RELN: variants seen among roughly 807,000 people sequenced by gnomAD.
RELN encodes the protein reelin.
RELN carries 108 observed loss-of-function variants against 427.6 expected under a neutral mutation model. The observed-to-expected ratio is 0.25, with a 90% CI of 0.22 to 0.30. The LOEUF (loss-of-function observed/expected upper bound fraction) is 0.30, where lower values mean the gene tolerates loss of function less well. Among genes scored for constraint, RELN ranks in the 10% least tolerant of loss-of-function variants. RELN has a pLI of 1.00. For missense variants in RELN, 3,715 were observed against 4,302.8 expected (o/e 0.86, Z 3.82); for synonymous variants, 1,524 against 1,513.4 (o/e 1.01, Z -0.16).
rs1368890009 is a variant in RELN, at chr7:103,551,255, T to C, written c.6114A>G (p.Pro2038=). ...AGTCCCTTGAAAATTCCAGTCTCACTGGATCCGCGGATGAGCTATCAGTCG... is the reference window on the plus strand; with the variant it reads ...AGTCCCTTGAAAATTCCAGTCTCACCGGATCCGCGGATGAGCTATCAGTCG... The part of the protein sequence containing the change: ...GCSTDSSSAD[P]VRLEFSRDFG... The change falls in exon 41 of 65, where the codon CCA becomes CCG. Residue 2038 remains proline (P), a synonymous_variant. Transcript: ENST00000428762. 6.2e-7 allele frequency: 1 copy of C among 1,614,008 alleles called. No individual in the cohort carries two copies. The highest frequency in any genetic ancestry group is 2.2e-5 in the East Asian group (1 of 44,876).
intron 2 of RELN, among the ~76,000 whole-genome samples, chr7:103,889,408 C>T (rs1794795812): frequency 6.6e-6 from 1 of 152,164 alleles, no homozygotes; most frequent in Admixed American, 6.5e-5. Context: ...CTACCAAGAA[C>T]TTAATGTGTA....
At chr7:103,544,384 G>A (rs542934454) in intron 42 of RELN, among the ~76,000 whole-genome samples, 3 of 151,628 alleles carry the variant, frequency 2.0e-5, no homozygotes, top group African/African-American at 7.3e-5. Flanking sequence ...GCCTGCCAGC[G>A]TGCCCGGCTT....
chr7:103,696,316 C>G (rs1397837169), intron 10 of RELN, among the ~76,000 whole-genome samples: 2 of 152,068 alleles, frequency 1.3e-5, no homozygotes, highest in East Asian at 3.9e-4. Flanking sequence ...ATATTCCATG[C>G]ACTCTCCGGG....
At chr7:103,820,553 T>G in intron 3 of RELN, among the ~76,000 whole-genome samples, 1 of 148,628 alleles carries the variant, frequency 6.7e-6, no homozygotes, top group South Asian at 2.1e-4. Flanking sequence ...CACTCATTCT[T>G]AAAAAAAAAA....
chr7:103,715,405 T>C (rs1319995057), intron 8 of RELN, among the ~76,000 whole-genome samples: 1 of 152,228 alleles, frequency 6.6e-6, no homozygotes, highest in East Asian at 1.9e-4. Context: ...TTTATATTTA[T>C]GTTTAAACTG....
At chr7:103,779,511 C>T (rs1021968145) in intron 3 of RELN, among the ~76,000 whole-genome samples, 1 of 152,104 alleles carries the variant, frequency 6.6e-6, no homozygotes, top group South Asian at 2.1e-4. Flanking sequence ...AAAGTAGATA[C>T]TCTTATCCAT....
Position 103,496,412 on chromosome 7 carries a change from C to T in RELN, c.9193+114G>A, listed in dbSNP as rs182726081. 1.2e-4 allele frequency: 172 copies of T among 1,380,720 alleles called. 1 individual carries two copies. The African/African-American group carries it at 2.3e-3, about 18-fold the overall frequency. 85.5% of individuals were successfully genotyped at this position (1,380,720 alleles called of 1,614,324 possible). A position where few individuals can be genotyped will look rare whatever the true frequency, so the allele number is the denominator to read the frequency against. On this transcript the variant is annotated intron_variant, in intron 56 of 64. Transcript: ENST00000428762. ...AAAATAACAGCTAACATTTGTTGAG[C>T]AGGAGTATGGGCTAGGCACTCTTAT...
intron 4 of RELN, among the ~76,000 whole-genome samples, chr7:103,773,108 CTT>C (rs1358026158): frequency 5.5e-5 from 2 of 36,208 alleles, no homozygotes; most frequent in Admixed American, 5.9e-4. Context: ...TCTTTTCTTT[CTT>C]TCTTTCTTTC....
intron 1 of RELN, among the ~76,000 whole-genome samples, chr7:103,927,821 CAGG>C (rs1028476638): frequency 5.7e-4 from 87 of 152,102 alleles, no homozygotes; most frequent in African/African-American, 1.9e-3. Flanking sequence ...GAATAATTAC[CAGG>C]AGATGTCTTG....
chr7:103,681,567 G>T (rs1228310421), intron 11 of RELN, among the ~76,000 whole-genome samples: 1 of 151,876 alleles, frequency 6.6e-6, no homozygotes, highest in East Asian at 1.9e-4. Flanking sequence ...CCCAGAAGAA[G>T]GCACACAGCT....
chr7:103,758,729 T>C (rs1293917681), intron 4 of RELN, among the ~76,000 whole-genome samples: 1 of 149,678 alleles, frequency 6.7e-6, no homozygotes, highest in Admixed American at 6.7e-5. Context: ...ATGTTATGAG[T>C]GTCAAAACCA....
chr7:103,547,349 T>G (rs2117144687), intron 41 of RELN, among the ~76,000 whole-genome samples: 1 of 152,342 alleles, frequency 6.6e-6, no homozygotes, highest in East Asian at 1.9e-4. Flanking sequence ...CAGGCTTGAG[T>G]GCAGTGGCAC....
At chr7:103,584,216 G>A (rs1265930619) in intron 28 of RELN, among the ~76,000 whole-genome samples, 2 of 152,182 alleles carry the variant, frequency 1.3e-5, no homozygotes, top group East Asian at 1.9e-4. Context: ...TCACATATCA[G>A]TATTAGCCTT....
intron 6 of RELN, among the ~76,000 whole-genome samples, chr7:103,738,651 G>A (rs1273110976): frequency 1.4e-5 from 2 of 146,616 alleles, no homozygotes; most frequent in African/African-American, 5.1e-5. Flanking sequence ...CTTGGGTCTG[G>A]CATCTTTCCT....
intron 41 of RELN, among the ~76,000 whole-genome samples, chr7:103,548,946 G>A (rs1830356366): frequency 6.6e-6 from 1 of 152,184 alleles, no homozygotes. Flanking sequence ...GTGGGAACTT[G>A]CTGAAGCAAG....
At chr7:103,631,642 T>C (rs1007298045) in intron 19 of RELN, among the ~76,000 whole-genome samples, 1 of 152,176 alleles carries the variant, frequency 6.6e-6, no homozygotes, top group Admixed American at 6.5e-5. Context: ...CATTTATGAG[T>C]TTTAAATACT....
At chr7:103,637,993 T>C (rs999074856) in intron 17 of RELN, among the ~76,000 whole-genome samples, 1 of 152,228 alleles carries the variant, frequency 6.6e-6, no homozygotes, top group African/African-American at 2.4e-5. Context: ...TTAGTCGTTT[T>C]AAAAGTCTAC....
rs201151546 is a variant in RELN at position 103,497,034 on chromosome 7, TTA to T, written c.8951-268_8951-267del. Among the ~76,000 whole-genome samples the T allele has an allele frequency of 9.1e-3, 1,387 of 152,360 alleles. 9 individuals carry two copies. Among genetic ancestry groups the T allele is most frequent in the Non-Finnish European group, 0.016 (1,110 of 68,038 alleles). On this transcript the variant is annotated intron_variant, in intron 55 of 64. Transcript: ENST00000428762. The stretch of plus-strand genomic sequence containing the variant: ...ATAAGTTATGTTTTGCTTTTAAAAT[TTA>T]GTTCTAAATTCTTATTTCTCACAAA...
At chr7:103,937,871 T>C (rs765677581) in intron 1 of RELN, among the ~76,000 whole-genome samples, 28 of 152,212 alleles carry the variant, frequency 1.8e-4, no homozygotes, top group Non-Finnish European at 3.1e-4. Context: ...CTCTGCTCAC[T>C]AACCAGGCTC....
Sources: allele counts gnomAD v4.1 joint callset (sites outside exome capture counted in the v4.1 genomes callset), GRCh38; gene constraint gnomAD v4.1.1; transcripts MANE v1.5; gene names NCBI Gene and HGNC (gene_info 2026-07-23, HGNC 2026-07-21).